LGR6: variants seen among roughly 807,000 people sequenced by gnomAD.
LGR6 encodes leucine rich repeat containing G protein-coupled receptor 6, also known as leucine-rich repeat-containing G protein-coupled receptor 6.
In LGR6, 45 loss-of-function variants were observed where a neutral mutation model predicts 69.4. The observed-to-expected ratio is 0.65, with a 90% CI of 0.51 to 0.83. The LOEUF (loss-of-function observed/expected upper bound fraction) is 0.83. Among genes scored for constraint, LGR6 ranks in the 40% least tolerant of loss-of-function variants. The pLI is 0.00. For missense variants in LGR6, 1,108 were observed against 1,246.7 expected, an observed-to-expected ratio of 0.89 and a Z score of 1.68; for synonymous variants, 538 against 555.0, an observed-to-expected ratio of 0.97 and a Z score of 0.43.
At chr1:202,270,434 G>A (rs1395598053) in intron 4 of LGR6, among the ~76,000 whole-genome samples, 1 of 151,816 alleles carries the variant, frequency 6.6e-6, no homozygotes, top group Non-Finnish European at 1.5e-5. Flanking sequence ...TAGAGATGGG[G>A]TTTCCCCATG....
In LGR6 at chr1:202,276,490, G is replaced by T; in HGVS notation, c.613G>T (p.Ala205Ser). 6.2e-7 allele frequency: 1 copy of T among 1,614,106 alleles called. No homozygotes were observed. Among genetic ancestry groups the T allele is most frequent in the Non-Finnish European group, 8.5e-7 (1 of 1,179,992 alleles). Residue 205 changes from alanine to serine, a missense_variant, in exon 5 of 18, where the codon GCG (alanine) becomes TCG (serine). Transcript: ENST00000367278. The part of the protein sequence containing the change: ...LNRISHIPDY[A>S]FQNLTSLVVL... ...CCGCATCAGCCACATCCCCGACTAC[G>T]CGTTCCAGAATCTCACCAGCCTTGT...
At chr1:202,210,443 A>T (rs968868541) in intron 1 of LGR6, among the ~76,000 whole-genome samples, 3 of 148,834 alleles carry the variant, frequency 2.0e-5, no homozygotes, top group Non-Finnish European at 4.4e-5. Flanking sequence ...AAAAAAAAAA[A>T]CAAAAACCCT....
chr1:202,280,366 C>T (rs1442062203), intron 5 of LGR6, among the ~76,000 whole-genome samples: 2 of 152,158 alleles, frequency 1.3e-5, no homozygotes, highest in Non-Finnish European at 2.9e-5. Flanking sequence ...TATATGTTGA[C>T]TGCAGTGGTT....
At chr1:202,197,058 G>C (rs755031176) in intron 1 of LGR6, 7 of 533,242 alleles carry the variant, frequency 1.3e-5, no homozygotes, top group Non-Finnish European at 2.7e-5. Flanking sequence ...AAGATCCTTA[G>C]AAGAAGCCAT....
chr1:202,214,186 G>A, intron 1 of LGR6: 1 of 1,531,604 alleles, frequency 6.5e-7, no homozygotes, highest in Non-Finnish European at 8.7e-7. Flanking sequence ...CGCTCAGCGA[G>A]GGCGGGACAG....
In LGR6 at chr1:202,194,102, C is replaced by G. The variant is rs1245646113; in HGVS notation, c.113C>G (p.Pro38Arg). 1 of 1,544,780 alleles carries G rather than the reference C, an allele frequency of 6.5e-7. No individual in the cohort carries two copies. The change falls in exon 1 of 18, where the codon CCC (proline) becomes CGC (arginine). Residue 38 changes from proline (P) to arginine (R), a missense_variant. By Grantham distance (103) the Pro-to-Arg change is moderately radical (BLOSUM62 -2). Coordinates refer to ENST00000367278, the MANE Select transcript of LGR6 (RefSeq NM_001017403.2). ...PGPGPTACPA[P>R]CHCQEDGIML... ...CCGGGGCCCACCGCCTGCCCGGCCC[C>G]CTGCCACTGCCAGGAGGACGGCATC...
At chr1:202,199,153 G>A (rs1386502223) in intron 1 of LGR6, among the ~76,000 whole-genome samples, 1 of 152,118 alleles carries the variant, frequency 6.6e-6, no homozygotes, top group Non-Finnish European at 1.5e-5. Flanking sequence ...TGCTCCTGGT[G>A]TGGGACAGAG....
Position 202,310,342 on chromosome 1 carries a change from C to G in LGR6, c.1552C>G (p.Gln518Glu). ...SKRPLGLLAR[Q>E]AENHYDQDLD... ...AAGGCCCCTGGGCCTCCTTGCCAGA[C>G]AAGCAGAGAACCACTGTGAGTGACC... Residue 518 changes from glutamine (Q) to glutamate (E), a missense_variant, in exon 16 of 18, where the codon CAA becomes GAA. Gln to Glu is a conservative substitution (Grantham distance 29, BLOSUM62 2). Transcript: ENST00000367278. The G allele has an allele frequency of 1.2e-6, 2 of 1,613,682 alleles. No individual in the cohort carries two copies. The highest frequency in any genetic ancestry group is 1.7e-6 in the Non-Finnish European group (2 of 1,179,952).
Position 202,280,743 on chromosome 1 carries a change from T to C in LGR6, c.645-38T>C, listed in dbSNP as rs185168698. 347 of 1,601,786 alleles carry C rather than the reference T, an allele frequency of 2.2e-4. 1 individual carries two copies. Among genetic ancestry groups the C allele is most frequent in the Non-Finnish European group, 8.9e-5 (104 of 1,168,924 alleles). On this transcript the variant is annotated intron_variant, in intron 5 of 17. Transcript: ENST00000367278. ...CTTCCATCCCCTGGCCCCAGTGCCG[T>C]GGGCACCCATTCTGATGCGTCTTTC...
chr1:202,210,428 G>GAAAAAAAAA (rs57478369), intron 1 of LGR6, among the ~76,000 whole-genome samples: 1 of 131,770 alleles, frequency 7.6e-6, no homozygotes. Context: ...GTACAGAGCA[G>GAAAAAAAAA]AAAAAAAAAA....
At chr1:202,217,465 C>CA (rs55899544) in intron 1 of LGR6, among the ~76,000 whole-genome samples, 53,727 of 151,772 alleles carry the variant, frequency 0.35, 9,856 homozygotes, top group Non-Finnish European at 0.41. Context: ...AAACAAAAAA[C>CA]AAAAAACCCC....
At chr1:202,238,032 T>C (rs1661741826) in intron 4 of LGR6, among the ~76,000 whole-genome samples, 1 of 152,150 alleles carries the variant, frequency 6.6e-6, no homozygotes, top group Non-Finnish European at 1.5e-5. Flanking sequence ...GATGATGTTA[T>C]TGTGAGATCG....
At position 202,318,371 on chromosome 1, in the gene LGR6, G is replaced by C. The variant is rs777626463; in HGVS notation, c.2068G>C (p.Val690Leu). Residue 690 changes from valine to leucine, a missense_variant, in exon 18 of 18, where the codon GTC becomes CTC. Val to Leu is a conservative substitution (Grantham distance 32). Coordinates refer to ENST00000367278, the MANE Select transcript of LGR6 (RefSeq NM_001017403.2). ...CTCCCTGGGCAGCGTTCGAGCAGGG[G>C]TCCTAGGCTGCCTGGCACTGGCAGG... ...SPSLGSVRAG[V>L]LGCLALAGLA... is the part of the protein sequence containing the mutation. 48 of 1,603,728 alleles carry C rather than the reference G, an allele frequency of 3.0e-5. No individual in the cohort carries two copies. The East Asian group carries it at 1.1e-3, about 36-fold the overall frequency.
At chr1:202,277,592 C>T (rs1243952032) in intron 5 of LGR6, among the ~76,000 whole-genome samples, 3 of 152,098 alleles carry the variant, frequency 2.0e-5, no homozygotes, top group African/African-American at 7.2e-5. Flanking sequence ...ATAAGAACTT[C>T]ATGGTTGGCC....
intron 6 of LGR6, among the ~76,000 whole-genome samples, chr1:202,291,470 G>A (rs147827508): frequency 2.0e-5 from 3 of 152,318 alleles, no homozygotes; most frequent in African/African-American, 7.2e-5. Context: ...CAAGGCCAAA[G>A]GAGCCCCCAT....
chr1:202,307,053 CCTCCCAG>C, intron 13 of LGR6, 114 bp downstream of exon 13: 1 of 894,806 alleles, frequency 1.1e-6, no homozygotes, highest in Non-Finnish European at 1.8e-6. Context: ...ATGCACATCG[CCTCCCAG>C]CTCCACAGCC....
rs1259114818 is a variant in LGR6, at chr1:202,319,265, A to G, written c.*58A>G. 2.0e-6 allele frequency: 3 copies of G among 1,474,330 alleles called. No homozygotes were observed. The African/African-American group carries it at 4.2e-5, about 21-fold the overall frequency. The allele number at this position is 1,474,330 out of a possible 1,614,324, so 91.3% of individuals were successfully genotyped here. A position where few individuals can be genotyped will look rare whatever the true frequency, so the allele number is the denominator to read the frequency against. ...TCCCTTTCCTCTCTCCCCCTCGGTG[A>G]ATGATGGCTGCTTCTAAAACAAATA... On this transcript the variant is annotated 3_prime_UTR_variant, in exon 18 of 18. Transcript: ENST00000367278.
chr1:202,308,660 A>G (rs1010305465), intron 14 of LGR6, among the ~76,000 whole-genome samples: 4 of 152,148 alleles, frequency 2.6e-5, no homozygotes, highest in Non-Finnish European at 4.4e-5. Context: ...GATGGGGATA[A>G]ACGACAACAG....
At chr1:202,262,697 TTCTA>T (rs1394637894) in intron 4 of LGR6, among the ~76,000 whole-genome samples, 1 of 152,206 alleles carries the variant, frequency 6.6e-6, no homozygotes, top group Non-Finnish European at 1.5e-5. Flanking sequence ...CAGTTCTCGT[TTCTA>T]TCTATCTCAT....
Sources: allele counts gnomAD v4.1 joint callset (sites outside exome capture counted in the v4.1 genomes callset), GRCh38; gene constraint gnomAD v4.1.1; transcripts MANE v1.5; gene names NCBI Gene and HGNC (gene_info 2026-07-23, HGNC 2026-07-21).